The following VWF variants were observed in gnomAD, a reference collection of about 807,000 sequenced individuals.
VWF encodes the protein Factor VIII related antigen.
In VWF, 176 loss-of-function variants were observed where a neutral mutation model predicts 308.6. That is an observed-to-expected ratio of 0.57 (90% CI 0.50 to 0.65). VWF has a LOEUF of 0.65. VWF is among the 30% of genes least tolerant of loss of function. VWF has a pLI of 0.00. For synonymous variants in VWF, 1,385 were observed against 1,443.4 expected (o/e 0.96, Z 0.92); for missense variants, 3,146 against 3,648.2 (o/e 0.86, Z 3.55).
intron 13 of VWF, among the ~76,000 whole-genome samples, chr12:6,062,226 T>C (rs990599923): frequency 6.6e-6 from 1 of 152,108 alleles, no homozygotes; most frequent in East Asian, 1.9e-4. Flanking sequence ...GGGAAAGGCA[T>C]GAGGCAGAGA....
rs909621262 is a variant in VWF, at chr12:5,996,036, C to T, written c.6029G>A (p.Ser2010Asn). 8.1e-6 allele frequency: 13 copies of T among 1,613,422 alleles called. No homozygotes were observed. Among genetic ancestry groups the T allele is most frequent in the Non-Finnish European group, 1.0e-5 (12 of 1,180,030 alleles). The change falls in exon 35 of 52, where the codon AGT becomes AAT. Residue 2010 changes from serine to asparagine, a missense_variant. Transcript: ENST00000261405. ...ACTGTGCAGCTCGACGGAGAGGGCA[C>T]TGTGCTTCACCTCGATGGATTTCAT... ...GCMKSIEVKH[S>N]ALSVELHSDM...
At position 5,971,784 on chromosome 12, in the gene VWF, G is replaced by T. The variant is rs113568576; in HGVS notation, c.7438-75C>A. ...AGGGGCTCTTACCTACGCCTCCTGC[G>T]TACTGAGCCCTGGGGTTGTGCCAAG... On this transcript the variant is annotated intron_variant, in intron 43 of 51. Transcript: ENST00000261405. 3.1e-6 allele frequency: 4 copies of T among 1,296,898 alleles called. No individual in the cohort carries two copies. In the East Asian group the frequency reaches 6.9e-5, roughly 22 times the overall value. The allele number at this position is 1,296,898 out of a possible 1,614,324, so 80.3% of individuals were successfully genotyped here.
rs1456172442 is a variant in VWF, at chr12:5,996,164, C to T, written c.5901G>A (p.Lys1967=). ...HIVTFDGQNF[K]LTGSCSYVLF... The stretch of plus-strand genomic sequence containing the variant: ...GGACATAAGAACAGCTGCCAGTCAG[C>T]TTGAAATTCTGCCCATCAAAGGTCA... The change falls in exon 35 of 52, where the codon AAG becomes AAA. Residue 1967 remains lysine, a synonymous_variant. Coordinates refer to ENST00000261405, the MANE Select transcript of VWF (RefSeq NM_000552.5). 1.2e-6 allele frequency: 2 copies of T among 1,614,090 alleles called. No homozygotes were observed. The highest frequency in any genetic ancestry group is 1.7e-6 in the Non-Finnish European group (2 of 1,180,018).
At chr12:6,002,421 T>C (rs1217136006) in intron 34 of VWF, among the ~76,000 whole-genome samples, 1 of 151,952 alleles carries the variant, frequency 6.6e-6, no homozygotes, top group Non-Finnish European at 1.5e-5. Flanking sequence ...TTTTTGATAT[T>C]ATAAAAGATT....
At chr12:6,114,293 G>T (rs1261467051) in intron 3 of VWF, among the ~76,000 whole-genome samples, 2 of 152,140 alleles carry the variant, frequency 1.3e-5, no homozygotes, top group Non-Finnish European at 2.9e-5. Context: ...CCCTGTGGCT[G>T]CTGATCTACA....
In VWF at chr12:6,075,324, G is replaced by A; in HGVS notation, c.874+11C>T. On this transcript the variant is annotated intron_variant, in intron 7 of 51. Coordinates refer to ENST00000261405, the MANE Select transcript of VWF (RefSeq NM_000552.5). This position sits in a 1 kb window ranked among gnomAD's most constrained non-coding sequence, Gnocchi z 4.7. ...CCCGGCAGGGCAGGACGGGGCAGGG[G>A]GCCGACTTACTGCACGCGCTGTGGT... The A allele has an allele frequency of 6.2e-7, 1 of 1,613,824 alleles. No individual in the cohort carries two copies. Among genetic ancestry groups the A allele is most frequent in the South Asian group, 1.1e-5 (1 of 91,074 alleles).
chr12:6,100,793 A>G (rs1945154085), intron 5 of VWF, among the ~76,000 whole-genome samples: 6 of 152,108 alleles, frequency 3.9e-5, no homozygotes. Context: ...CCTAATGCTA[A>G]ATGACGAGTT....
At position 5,994,565 on chromosome 12, in the gene VWF, C is replaced by T. The variant is rs777887085; in HGVS notation, c.6106G>A (p.Gly2036Arg). 6.2e-7 allele frequency: 1 copy of T among 1,613,900 alleles called. No individual in the cohort carries two copies. The highest frequency in any genetic ancestry group is 1.3e-5 in the African/African-American group (1 of 75,004). ...CCATAAACGTTGACTTCCATGTTCCCACCCACGTAAGGAACAGAGACCAGT... is the reference window on the plus strand; with the variant it reads ...CCATAAACGTTGACTTCCATGTTCCTACCCACGTAAGGAACAGAGACCAGT... ...GRLVSVPYVG[G>R]NMEVNVYGAI... The change falls in exon 36 of 52, where the codon GGG becomes AGG. Residue 2036 changes from glycine to arginine, a missense_variant. Coordinates refer to ENST00000261405, the MANE Select transcript of VWF (RefSeq NM_000552.5).
chr12:6,046,692 T>A lies in VWF; in HGVS notation c.2281+31A>T, dbSNP rs747072679. 1 of 1,602,310 alleles carries A rather than the reference T, an allele frequency of 6.2e-7. No individual in the cohort carries two copies. Among genetic ancestry groups the A allele is most frequent in the South Asian group, 1.1e-5 (1 of 90,842 alleles). On this transcript the variant is annotated intron_variant, in intron 17 of 51. Coordinates refer to ENST00000261405, the MANE Select transcript of VWF (RefSeq NM_000552.5). This position sits in a 1 kb window ranked among gnomAD's most constrained non-coding sequence, Gnocchi z 5.0. ...CGTGAGGAATCTGGGCAGGATGGAGTCAATGGGCCTTCCAGGGGGACAGTA... is the reference window on the plus strand; with the variant it reads ...CGTGAGGAATCTGGGCAGGATGGAGACAATGGGCCTTCCAGGGGGACAGTA...
At chr12:6,051,897 G>A (rs544604526) in intron 16 of VWF, among the ~76,000 whole-genome samples, 1 of 152,254 alleles carries the variant, frequency 6.6e-6, no homozygotes, top group East Asian at 1.9e-4. Flanking sequence ...ACAGATGTGA[G>A]CCACTGCCCC....
At chr12:5,990,272 A>G (rs750869352) in intron 38 of VWF, among the ~76,000 whole-genome samples, 8 of 152,210 alleles carry the variant, frequency 5.3e-5, no homozygotes, top group Non-Finnish European at 1.0e-4. Flanking sequence ...CTAGGACACT[A>G]TAGGATGACT....
At chr12:6,094,879 A>ATT (rs386375484) in intron 6 of VWF, among the ~76,000 whole-genome samples, 51,832 of 104,688 alleles carry the variant, frequency 0.5, 14,158 homozygotes, top group East Asian at 0.68. Context: ...TGCCCAGCTA[A>ATT]TTTTTTTTTT....
Position 5,971,480 on chromosome 12 carries a change from T to A in VWF, c.7548+119A>T, listed in dbSNP as rs1048422043. Reference sequence around the variant, plus strand: ...CTGGCATCTGGATAACACCAACAGCTGGGTGAAATGCCCAGTGGGGAAAGC... The same window carrying A: ...CTGGCATCTGGATAACACCAACAGCAGGGTGAAATGCCCAGTGGGGAAAGC... On this transcript the variant is annotated intron_variant, in intron 44 of 51. Coordinates refer to ENST00000261405, the MANE Select transcript of VWF (RefSeq NM_000552.5). 6 of 820,256 alleles carry A rather than the reference T, an allele frequency of 7.3e-6. No individual in the cohort carries two copies. The African/African-American group carries it at 8.4e-5, about 11-fold the overall frequency. The allele number at this position is 820,256 out of a possible 1,614,324, so 50.8% of individuals were successfully genotyped here. A position where few individuals can be genotyped will look rare whatever the true frequency, so the allele number is the denominator to read the frequency against.
rs1359055873 is a variant in VWF, at chr12:6,066,493, T to C, written c.1157-1220A>G. 2.0e-5 allele frequency among the ~76,000 whole-genome samples: 3 copies of C among 152,368 alleles called. No homozygotes were observed. In the East Asian group the frequency reaches 5.8e-4, roughly 29 times the overall value. ...ACTCTACGGTGCATGTGTGAGTTCC[T>C]TTCTCTAAGGATCAAAGCAAAGATG... On this transcript the variant is annotated intron_variant, in intron 10 of 51. Coordinates refer to ENST00000261405, the MANE Select transcript of VWF (RefSeq NM_000552.5).
intron 34 of VWF, among the ~76,000 whole-genome samples, chr12:6,009,226 T>C (rs4021587): frequency 1.4e-5 from 2 of 141,348 alleles, no homozygotes; most frequent in Admixed American, 7.2e-5. Context: ...TAGGAACTCA[T>C]ACAACTCAAT....
chr12:5,968,257 C>G (rs28365810), intron 45 of VWF, 90 bp from the exon 46 acceptor site: 1 of 1,508,672 alleles, frequency 6.6e-7, no homozygotes, highest in East Asian at 2.3e-5. Context: ...GCTCCTCCTC[C>G]GTGTCTGGGC....
chr12:6,046,571 C>T lies in VWF; in HGVS notation c.2281+152G>A, dbSNP rs1944448375. The stretch of plus-strand genomic sequence containing the variant: ...TTGGCCTGAAAGTCACTCACACAAA[C>T]CCAGAAATGAAGGCGATCCTGGGCG... On this transcript the variant is annotated intron_variant, in intron 17 of 51. Transcript: ENST00000261405. This position sits in a 1 kb window ranked among gnomAD's most constrained non-coding sequence, Gnocchi z 5.0. The T allele has an allele frequency of 1.4e-6, 1 of 740,712 alleles. No individual in the cohort carries two copies. The highest frequency in any genetic ancestry group is 1.7e-5 in the African/African-American group (1 of 57,770). The allele number at this position is 740,712 out of a possible 1,614,324, so 45.9% of individuals were successfully genotyped here.
chr12:6,003,968 ACC>A (rs1943901126), intron 34 of VWF, among the ~76,000 whole-genome samples: 1 of 151,902 alleles, frequency 6.6e-6, no homozygotes, highest in Admixed American at 6.6e-5. Context: ...GGCGCCCGCC[ACC>A]ACGCCCGGCT....
chr12:6,083,603 T>C (rs1187338721), intron 6 of VWF, among the ~76,000 whole-genome samples: 1 of 152,196 alleles, frequency 6.6e-6, no homozygotes, highest in Non-Finnish European at 1.5e-5. Context: ...CTTGCCTCTC[T>C]GCATCCTCAT....
Sources: allele counts gnomAD v4.1 joint callset (sites outside exome capture counted in the v4.1 genomes callset), GRCh38; gene constraint gnomAD v4.1.1; non-coding constraint Gnocchi (gnomAD v3.1); transcripts MANE v1.5; gene names NCBI Gene and HGNC (gene_info 2026-07-23, HGNC 2026-07-21).